Variants in ARHGEF9 observed in about 807,000 individuals in gnomAD.
ARHGEF9 encodes the protein Cdc42 guanine nucleotide exchange factor 9, also known as rho guanine nucleotide exchange factor 9.
In ARHGEF9, 2 loss-of-function variants were observed where a neutral mutation model predicts 41.3. The observed-to-expected ratio is 0.05, with a 90% CI of 0.02 to 0.15. The LOEUF is 0.15. Among genes scored for constraint, ARHGEF9 ranks in the 10% least tolerant of loss-of-function variants. The pLI is 1.00. For missense variants in ARHGEF9, 225 were observed against 424.7 expected (o/e 0.53, Z 4.13); for synonymous variants, 160 against 154.4 (o/e 1.04, Z -0.27).
chrX:63,638,932 T>A (rs140288836), intron 9 of ARHGEF9, among the ~76,000 whole-genome samples: 70 of 112,154 alleles, frequency 6.2e-4, no homozygotes, highest in African/African-American at 2.2e-3. Context: ...ATTAAAAACC[T>A]TCTCAACATT....
At chrX:63,751,543 G>GGT (rs1195235908) in intron 1 of ARHGEF9, among the ~76,000 whole-genome samples, 1 of 111,708 alleles carries the variant, frequency 9.0e-6, no homozygotes, top group Non-Finnish European at 1.9e-5. Context: ...GTTGCTAGAT[G>GGT]GTGGCCTGCC....
chrX:63,686,355 C>T (rs782082860), intron 4 of ARHGEF9, among the ~76,000 whole-genome samples: 92 of 110,609 alleles, frequency 8.3e-4, no homozygotes, highest in African/African-American at 3.0e-3. Context: ...ATAACAGAGA[C>T]GGAAGTGTGA....
chrX:63,664,441 C>T (rs1475157930), intron 7 of ARHGEF9, among the ~76,000 whole-genome samples: 1 of 112,397 alleles, frequency 8.9e-6, no homozygotes, highest in Non-Finnish European at 1.9e-5. Flanking sequence ...AGCCAGGTTC[C>T]TATTTGTTTA....
rs1348480071 is a variant in ARHGEF9, at chrX:63,751,743, C to A, written c.31-27032G>T. On this transcript the variant is annotated intron_variant, in intron 1 of 9. Transcript: ENST00000671741. ...CAGCATTTGTGAAATCCTTATAGGT[C>A]CTAGCACAAGGAGGCTATTCAGAAC... 4.5e-5 allele frequency among the ~76,000 whole-genome samples: 5 copies of A among 111,602 alleles called. No homozygotes were observed. In the East Asian group the frequency reaches 8.6e-4, roughly 19 times the overall value.
At chrX:63,649,967 C>T (rs1556326506) in intron 8 of ARHGEF9, among the ~76,000 whole-genome samples, 1 of 110,886 alleles carries the variant, frequency 9.0e-6, no homozygotes. Flanking sequence ...CTAAAATATT[C>T]CTTAAATCCT....
chrX:63,649,297 G>A (rs1478752373), intron 8 of ARHGEF9, among the ~76,000 whole-genome samples: 25 of 110,380 alleles, frequency 2.3e-4, no homozygotes, highest in Admixed American at 4.8e-4. Flanking sequence ...ACTCAAAACC[G>A]CTCAACTACA....
intron 2 of ARHGEF9, among the ~76,000 whole-genome samples, chrX:63,709,509 T>C (rs782552604): frequency 8.9e-6 from 1 of 111,754 alleles, no homozygotes; most frequent in Admixed American, 9.4e-5. Context: ...CTTTTATACC[T>C]GAACAAGTCC....
intron 4 of ARHGEF9, among the ~76,000 whole-genome samples, chrX:63,683,199 C>A (rs1156888408): frequency 9.1e-6 from 1 of 110,095 alleles, no homozygotes; most frequent in Non-Finnish European, 1.9e-5. Flanking sequence ...ACTCTTTATA[C>A]CTATAATGAT....
intron 8 of ARHGEF9, among the ~76,000 whole-genome samples, chrX:63,648,915 T>C (rs2048326677): frequency 9.0e-6 from 1 of 111,472 alleles, no homozygotes; most frequent in African/African-American, 3.3e-5. Flanking sequence ...CCTAAATATA[T>C]ATGCACCCAA....
chrX:63,687,374 C>T (rs1201909800), intron 4 of ARHGEF9, among the ~76,000 whole-genome samples: 1 of 111,576 alleles, frequency 9.0e-6, no homozygotes, highest in Non-Finnish European at 1.9e-5. Flanking sequence ...TGCACAAAAC[C>T]TCTAGACAGA....
intron 7 of ARHGEF9, among the ~76,000 whole-genome samples, chrX:63,662,647 T>C (rs1237152012): frequency 8.9e-6 from 1 of 111,773 alleles, no homozygotes; most frequent in Non-Finnish European, 1.9e-5. Flanking sequence ...CTTGGGAAAA[T>C]TATATAACTT....
intron 1 of ARHGEF9, among the ~76,000 whole-genome samples, chrX:63,766,675 A>G (rs2056117870): frequency 8.9e-6 from 1 of 111,808 alleles, no homozygotes; most frequent in African/African-American, 3.3e-5. Context: ...AAAGGGCAAA[A>G]GTCATTTGAG....
chrX:63,716,385 A>C (rs2053305201), intron 2 of ARHGEF9, among the ~76,000 whole-genome samples: 1 of 111,387 alleles, frequency 9.0e-6, no homozygotes, highest in Non-Finnish European at 1.9e-5. Context: ...CAGGGGAGAA[A>C]AGTGAGATTT....
intron 9 of ARHGEF9, chrX:63,640,018 A>G (rs1158306334): frequency 9.0e-6 from 1 of 111,476 alleles, no homozygotes; most frequent in East Asian, 2.8e-4. Flanking sequence ...ATACAGTTTG[A>G]TAGATGGAAT....
intron 4 of ARHGEF9, among the ~76,000 whole-genome samples, chrX:63,694,615 T>C (rs2051611798): frequency 8.9e-6 from 1 of 112,607 alleles, no homozygotes; most frequent in Non-Finnish European, 1.9e-5. Flanking sequence ...TTATATACTG[T>C]ATGATTTCAC....
At chrX:63,683,973 A>G (rs1237123623) in intron 4 of ARHGEF9, among the ~76,000 whole-genome samples, 1 of 111,085 alleles carries the variant, frequency 9.0e-6, no homozygotes, top group Non-Finnish European at 1.9e-5. Flanking sequence ...GTGGGACTGC[A>G]TCAAATTAAA....
chrX:63,704,948 C>T (rs190048371), intron 3 of ARHGEF9, among the ~76,000 whole-genome samples: 25 of 112,434 alleles, frequency 2.2e-4, no homozygotes, highest in Non-Finnish European at 4.5e-4. Context: ...AGTTCAGGCA[C>T]AAAATCCTTG....
At chrX:63,679,138 A>G (rs1454073246) in intron 4 of ARHGEF9, among the ~76,000 whole-genome samples, 1 of 111,804 alleles carries the variant, frequency 8.9e-6, no homozygotes, top group Non-Finnish European at 1.9e-5. Flanking sequence ...CTGAGAAAAA[A>G]ATGTATGAGT....
At chrX:63,702,713 C>A (rs2052266937) in intron 3 of ARHGEF9, among the ~76,000 whole-genome samples, 1 of 111,924 alleles carries the variant, frequency 8.9e-6, no homozygotes, top group African/African-American at 3.2e-5. Context: ...GCCATGTTAA[C>A]ACATCCATGC....
Sources: allele counts gnomAD v4.1 joint callset (sites outside exome capture counted in the v4.1 genomes callset), GRCh38; gene constraint gnomAD v4.1.1; transcripts MANE v1.5; gene names NCBI Gene and HGNC (gene_info 2026-07-23, HGNC 2026-07-21).